SLC24A2: variants seen among roughly 807,000 people sequenced by gnomAD.
SLC24A2 encodes solute carrier family 24 member 2, also known as sodium/potassium/calcium exchanger 2.
SLC24A2 carries 36 observed loss-of-function variants against 62.0 expected under a neutral mutation model. The ratio of observed to expected loss-of-function variants is 0.58; its 90% CI spans 0.44 to 0.77. The LOEUF (loss-of-function observed/expected upper bound fraction) is 0.77. Ranked by LOEUF, SLC24A2 falls within the 30% of genes least tolerant of loss-of-function variation. The probability of loss-of-function intolerance (pLI) is 0.00; values close to 1 mark genes in which losing one functional copy is unlikely to be tolerated. For missense variants in SLC24A2, 846 were observed against 817.9 expected, an observed-to-expected ratio of 1.03 and a Z score of -0.42; for synonymous variants, 358 against 294.0, an observed-to-expected ratio of 1.22 and a Z score of -2.23.
the SLC24A2 span, among the ~76,000 whole-genome samples, chr9:19,964,990 G>A: frequency 6.6e-6 from 1 of 152,098 alleles, no homozygotes; most frequent in African/African-American, 2.4e-5. Context: ...TGGAGTTCAA[G>A]CTCCAGCCAC....
intron 2 of SLC24A2, among the ~76,000 whole-genome samples, chr9:19,687,423 G>C (rs895204813): frequency 2.6e-5 from 4 of 152,084 alleles, no homozygotes; most frequent in Admixed American, 2.6e-4. Flanking sequence ...GAATTCGTGT[G>C]ATAGACTCGA....
intron 8 of SLC24A2, among the ~76,000 whole-genome samples, chr9:19,530,482 A>ATT (rs1833650404): frequency 6.6e-6 from 1 of 152,194 alleles, no homozygotes; most frequent in Non-Finnish European, 1.5e-5. Context: ...TATAATTATT[A>ATT]TTTTAACTTT....
the SLC24A2 span, among the ~76,000 whole-genome samples, chr9:20,137,965 G>A: frequency 5.3e-5 from 8 of 152,290 alleles, no homozygotes; most frequent in South Asian, 1.5e-3. Flanking sequence ...GACGATCCAA[G>A]AAAGAGGGAA....
At chr9:20,212,825 T>C in the SLC24A2 span, among the ~76,000 whole-genome samples, 1 of 151,452 alleles carries the variant, frequency 6.6e-6, no homozygotes, top group Non-Finnish European at 1.5e-5. Flanking sequence ...TATATATGTA[T>C]ACTGAAATAC....
chr9:20,162,847 A>T, the SLC24A2 span, among the ~76,000 whole-genome samples: 1 of 152,148 alleles, frequency 6.6e-6, no homozygotes, highest in African/African-American at 2.4e-5. Context: ...AATAAATGTA[A>T]TCCAGCACAT....
chr9:19,806,750 A>G, the SLC24A2 span, among the ~76,000 whole-genome samples: 1 of 152,160 alleles, frequency 6.6e-6, no homozygotes, highest in African/African-American at 2.4e-5. Context: ...TCCATAATCT[A>G]AGAAGCAGAA....
At chr9:19,898,459 T>C in the SLC24A2 span, among the ~76,000 whole-genome samples, 2 of 152,162 alleles carry the variant, frequency 1.3e-5, no homozygotes, top group African/African-American at 2.4e-5. Context: ...AGATAAAGAA[T>C]AGGCCTGGCG....
At chr9:20,249,104 G>T in the SLC24A2 span, among the ~76,000 whole-genome samples, 766 of 152,300 alleles carry the variant, frequency 5.0e-3, 6 homozygotes, top group African/African-American at 0.015. Flanking sequence ...CAAGTTGTGT[G>T]ACTTTGGGTA....
At chr9:20,043,235 TCCAG>T in the SLC24A2 span, among the ~76,000 whole-genome samples, 7 of 152,246 alleles carry the variant, frequency 4.6e-5, no homozygotes, top group East Asian at 7.7e-4. Context: ...AAAGTGCTAC[TCCAG>T]TGAGCAAAAG....
chr9:20,299,231 G>C, the SLC24A2 span, among the ~76,000 whole-genome samples: 2 of 152,172 alleles, frequency 1.3e-5, no homozygotes, highest in African/African-American at 4.8e-5. Context: ...GGTCACAAAG[G>C]ATCTTCACAG....
intron 1 of SLC24A2, 99 bp downstream of exon 1, chr9:19,788,786 T>C: frequency 6.1e-6 from 6 of 985,394 alleles, no homozygotes; most frequent in Non-Finnish European, 6.0e-6. Flanking sequence ...GAGCCACCTG[T>C]GAGCCTGCAG....
rs1354138101 is a variant in SLC24A2 at position 19,599,791 on chromosome 9, T to C, written c.1079-2512A>G. ...ACAGCCCATGATGCCTCCTGGAACG[T>C]ACCCTTGCCCACTGTCTATTGACAG... On this transcript the variant is annotated intron_variant, in intron 4 of 10. Coordinates refer to ENST00000341998, the MANE Select transcript of SLC24A2 (RefSeq NM_020344.4). This position sits in a 1 kb window ranked among gnomAD's most constrained non-coding sequence, Gnocchi z 4.5. Among the ~76,000 whole-genome samples, 1 of 152,164 alleles carries C rather than the reference T, an allele frequency of 6.6e-6. No homozygotes were observed. Among genetic ancestry groups the C allele is most frequent in the Non-Finnish European group, 1.5e-5 (1 of 68,028 alleles).
the SLC24A2 span, among the ~76,000 whole-genome samples, chr9:20,145,733 CT>C: frequency 6.6e-6 from 1 of 151,652 alleles, no homozygotes; most frequent in Non-Finnish European, 1.5e-5. Context: ...TATAAAAGCA[CT>C]ATTTTCCTGG....
chr9:19,746,530 T>C (rs534567346), intron 2 of SLC24A2, among the ~76,000 whole-genome samples: 24 of 152,254 alleles, frequency 1.6e-4, no homozygotes, highest in Admixed American at 5.2e-4. Flanking sequence ...AGGGTGTCAA[T>C]AAAATTGATA....
intron 4 of SLC24A2, among the ~76,000 whole-genome samples, chr9:19,612,560 A>C (rs1423919574): frequency 6.6e-6 from 1 of 152,202 alleles, no homozygotes; most frequent in Non-Finnish European, 1.5e-5. Context: ...AGGTTGAGGC[A>C]CAGAGAGGAT....
chr9:20,201,875 G>C, the SLC24A2 span, among the ~76,000 whole-genome samples: 1 of 152,086 alleles, frequency 6.6e-6, no homozygotes, highest in African/African-American at 2.4e-5. Flanking sequence ...TGGCAATTAG[G>C]GTGAGTATGT....
At chr9:19,788,659 GCC>G in intron 1 of SLC24A2, 1 of 984,288 alleles carries the variant, frequency 1.0e-6, no homozygotes, top group Non-Finnish European at 1.2e-6. Context: ...CCTGCCCCAC[GCC>G]CCCCATCCCA....
the SLC24A2 span, among the ~76,000 whole-genome samples, chr9:19,864,090 G>C: frequency 6.6e-6 from 1 of 151,932 alleles, no homozygotes; most frequent in South Asian, 2.1e-4. Context: ...AGAAAAAATG[G>C]ACAAATTCCT....
chr9:20,114,752 G>A, the SLC24A2 span, among the ~76,000 whole-genome samples: 1 of 152,108 alleles, frequency 6.6e-6, no homozygotes, highest in South Asian at 2.1e-4. Context: ...GAGAGCTAGT[G>A]CTCAGTCACT....
Sources: allele counts gnomAD v4.1 joint callset (sites outside exome capture counted in the v4.1 genomes callset), GRCh38; gene constraint gnomAD v4.1.1; non-coding constraint Gnocchi (gnomAD v3.1); transcripts MANE v1.5; gene names NCBI Gene and HGNC (gene_info 2026-07-23, HGNC 2026-07-21).